LRP1B: variants seen among roughly 807,000 people sequenced by gnomAD.
The protein encoded by LRP1B is LDL receptor related protein 1B.
Under a neutral mutation model 556.6 loss-of-function variants are expected in LRP1B, and 217 were observed. The observed-to-expected ratio is 0.39, with a 90% CI of 0.35 to 0.44. The LOEUF (loss-of-function observed/expected upper bound fraction) is 0.44. LRP1B is among the 20% of genes least tolerant of loss of function. The pLI is 1.00. For synonymous variants in LRP1B, 2,047 were observed against 1,865.8 expected, an observed-to-expected ratio of 1.10 and a Z score of -2.50; for missense variants, 5,053 against 5,620.8, an observed-to-expected ratio of 0.90 and a Z score of 3.23.
intron 2 of LRP1B, among the ~76,000 whole-genome samples, chr2:141,774,869 G>T (rs1472812384): frequency 6.6e-6 from 1 of 152,142 alleles, no homozygotes; most frequent in African/African-American, 2.4e-5. Flanking sequence ...AGTTTTAGCT[G>T]CAGCCATGGC....
chr2:141,779,328 A>G (rs565432233), intron 2 of LRP1B, among the ~76,000 whole-genome samples: 11 of 152,280 alleles, frequency 7.2e-5, no homozygotes, highest in Non-Finnish European at 1.6e-4. Context: ...AACTACCTTC[A>G]AATGATTTCC....
chr2:141,116,527 T>G (rs2104983370), intron 7 of LRP1B, among the ~76,000 whole-genome samples: 1 of 152,294 alleles, frequency 6.6e-6, no homozygotes, highest in Non-Finnish European at 1.5e-5. Context: ...CTACATGTTT[T>G]AAGTTTCCCA....
intron 1 of LRP1B, among the ~76,000 whole-genome samples, chr2:141,886,946 T>C (rs943840170): frequency 2.1e-5 from 3 of 145,598 alleles, no homozygotes; most frequent in East Asian, 4.2e-4. Context: ...TGTGAGGGGA[T>C]GGTTGATTTT....
At chr2:141,921,800 T>C (rs2104974638) in intron 1 of LRP1B, among the ~76,000 whole-genome samples, 1 of 152,204 alleles carries the variant, frequency 6.6e-6, no homozygotes, top group Non-Finnish European at 1.5e-5. Flanking sequence ...TTCAAAAATC[T>C]TGGCATCATA....
intron 3 of LRP1B, among the ~76,000 whole-genome samples, chr2:141,301,226 C>T (rs1002745194): frequency 3.3e-5 from 5 of 152,038 alleles, no homozygotes; most frequent in African/African-American, 1.2e-4. Context: ...AACATTACTC[C>T]ATGTGTGTGA....
At chr2:141,470,420 A>G (rs1682417746) in intron 3 of LRP1B, among the ~76,000 whole-genome samples, 1 of 152,178 alleles carries the variant, frequency 6.6e-6, no homozygotes, top group Non-Finnish European at 1.5e-5. Flanking sequence ...TTTTCAATCA[A>G]TTAATAAACC....
At chr2:141,499,181 A>G (rs1209940642) in intron 2 of LRP1B, among the ~76,000 whole-genome samples, 1 of 152,084 alleles carries the variant, frequency 6.6e-6, no homozygotes, top group Non-Finnish European at 1.5e-5. Context: ...CAGTCTTCTG[A>G]CCAATCTTAA....
intron 1 of LRP1B, among the ~76,000 whole-genome samples, chr2:141,951,251 T>C (rs1371659982): frequency 6.6e-6 from 1 of 152,150 alleles, no homozygotes; most frequent in Non-Finnish European, 1.5e-5. Flanking sequence ...AGTTAAGTTC[T>C]TTAGTGGTAA....
chr2:141,972,580 G>A (rs1310666996), intron 1 of LRP1B, among the ~76,000 whole-genome samples: 4 of 96,672 alleles, frequency 4.1e-5, no homozygotes, highest in Non-Finnish European at 8.1e-5. Context: ...ACATGTGAAT[G>A]CAGGTGCAAA....
intron 2 of LRP1B, among the ~76,000 whole-genome samples, chr2:141,624,036 C>CAAAAAAAAAAACAAAAAAAAAAAAA: frequency 1.1e-5 from 1 of 90,760 alleles, no homozygotes; most frequent in East Asian, 3.7e-4. Context: ...AAAAATTAAA[C>CAAAAAAAAAAACAAAAAAAAAAAAA]AAAAAAAAAA....
intron 2 of LRP1B, among the ~76,000 whole-genome samples, chr2:141,494,187 A>G (rs1282504915): frequency 6.6e-6 from 1 of 152,160 alleles, no homozygotes; most frequent in East Asian, 1.9e-4. Context: ...GGATGTCAAC[A>G]TCACAGGTCC....
intron 3 of LRP1B, among the ~76,000 whole-genome samples, chr2:141,426,260 G>A (rs11679671): frequency 0.48 from 72,400 of 151,216 alleles, 17,575 homozygotes; most frequent in East Asian, 0.69. Flanking sequence ...TGAGGGCTCT[G>A]TTCTGTTCCA....
At chr2:140,897,188 ATCTT>A (rs879302130) in intron 23 of LRP1B, among the ~76,000 whole-genome samples, 4 of 152,224 alleles carry the variant, frequency 2.6e-5, no homozygotes, top group Non-Finnish European at 5.9e-5. Flanking sequence ...AAATATAGCA[ATCTT>A]AACAGTGAGA....
At chr2:141,829,345 G>A (rs925316460) in intron 1 of LRP1B, among the ~76,000 whole-genome samples, 3 of 151,940 alleles carry the variant, frequency 2.0e-5, no homozygotes, top group Admixed American at 6.6e-5. Context: ...TCTAAAGAGC[G>A]TATAACTAAC....
intron 1 of LRP1B, among the ~76,000 whole-genome samples, chr2:141,887,750 G>A (rs187155638): frequency 2.1e-3 from 321 of 152,220 alleles, no homozygotes; most frequent in Admixed American, 6.5e-3. Flanking sequence ...CACAAATATC[G>A]ATCATCACCT....
At chr2:140,627,186 T>A (rs935485609) in intron 41 of LRP1B, among the ~76,000 whole-genome samples, 2 of 152,088 alleles carry the variant, frequency 1.3e-5, no homozygotes, top group African/African-American at 4.8e-5. Flanking sequence ...TGTTTACCAA[T>A]TGTGAGGGTT....
chr2:141,964,301 A>G (rs1379018714), intron 1 of LRP1B, among the ~76,000 whole-genome samples: 1 of 149,864 alleles, frequency 6.7e-6, no homozygotes, highest in African/African-American at 2.5e-5. Flanking sequence ...ATCCTAAGCC[A>G]AAAGAACAAA....
At chr2:141,591,430 C>T (rs960987499) in intron 2 of LRP1B, among the ~76,000 whole-genome samples, 5 of 148,164 alleles carry the variant, frequency 3.4e-5, no homozygotes, top group East Asian at 2.0e-4. Flanking sequence ...AAAAAAAAAT[C>T]GATTAAAATG....
chr2:141,182,646 T>TG (rs1681057487), intron 7 of LRP1B, among the ~76,000 whole-genome samples: 1 of 152,020 alleles, frequency 6.6e-6, no homozygotes, highest in South Asian at 2.1e-4. Context: ...AATATCTTAA[T>TG]TTTTCTGATT....
Sources: gnomAD v4.1 joint callset for allele counts (sites outside exome capture counted in the v4.1 genomes callset) on GRCh38, gnomAD v4.1.1 for gene constraint, MANE v1.5 for transcripts, NCBI Gene and HGNC (gene_info 2026-07-23, HGNC 2026-07-21) for gene names.